Variants in UTP20 observed in about 807,000 individuals in gnomAD.
The protein encoded by UTP20 is UTP20 small subunit processome component, also known as small subunit processome component 20 homolog.
In UTP20, 164 loss-of-function variants were observed where a neutral mutation model predicts 329.5. That is an observed-to-expected ratio of 0.50 (90% CI 0.44 to 0.57). The LOEUF (loss-of-function observed/expected upper bound fraction) is 0.57, where lower values mean the gene tolerates loss of function less well. Ranked by LOEUF, UTP20 falls within the 20% of genes least tolerant of loss-of-function variation. The pLI is 0.00. For synonymous variants in UTP20, 1,151 were observed against 1,159.3 expected, an observed-to-expected ratio of 0.99 and a Z score of 0.14; for missense variants, 3,055 against 3,284.2, an observed-to-expected ratio of 0.93 and a Z score of 1.71.
At position 101,340,550 on chromosome 12, in the gene UTP20, A is replaced by G. The variant is rs1869088142; in HGVS notation, c.4041A>G (p.Glu1347=). ...TCAGCAAGTTTATGAAAGACAAAGA[A>G]CAAAGTTCTGTACTCATTACGCTTC... ...SKISKFMKDK[E]QSSVLITLLL... The change falls in exon 32 of 62, where the codon GAA becomes GAG. Residue 1347 remains glutamate, a synonymous_variant. Coordinates refer to ENST00000261637, the MANE Select transcript of UTP20 (RefSeq NM_014503.3). The G allele has an allele frequency of 1.9e-6, 3 of 1,610,034 alleles. No homozygotes were observed. Among genetic ancestry groups the G allele is most frequent in the Non-Finnish European group, 8.5e-7 (1 of 1,178,536 alleles).
intron 47 of UTP20, 124 bp from the exon 48 acceptor site, chr12:101,367,736 T>G: frequency 1.5e-6 from 1 of 672,678 alleles, no homozygotes; most frequent in Non-Finnish European, 2.6e-6. Context: ...CTTAAAAATG[T>G]TTTATCATTT....
chr12:101,292,494 G>A (rs1297837277), intron 10 of UTP20, among the ~76,000 whole-genome samples: 2 of 152,142 alleles, frequency 1.3e-5, no homozygotes, highest in East Asian at 1.9e-4. Context: ...ATAGTCTAGC[G>A]AATTTGTCTG....
At chr12:101,298,587 T>A (rs1480142070) in intron 12 of UTP20, among the ~76,000 whole-genome samples, 1 of 152,130 alleles carries the variant, frequency 6.6e-6, no homozygotes, top group Non-Finnish European at 1.5e-5. Flanking sequence ...TTAAGGAGTA[T>A]GGACTTCATT....
At chr12:101,374,195 A>G (rs1414235803) in intron 54 of UTP20, among the ~76,000 whole-genome samples, 37 of 151,268 alleles carry the variant, frequency 2.4e-4, no homozygotes, top group African/African-American at 7.3e-4. Context: ...AGGTCCCGCC[A>G]CTGCACTCCA....
At chr12:101,328,500 A>AG (rs1406308176) in intron 26 of UTP20, among the ~76,000 whole-genome samples, 1 of 151,858 alleles carries the variant, frequency 6.6e-6, no homozygotes, top group African/African-American at 2.4e-5. Flanking sequence ...TGTAATACAG[A>AG]AAGTTACTTC....
At chr12:101,301,668 A>T (rs1017445088) in intron 14 of UTP20, among the ~76,000 whole-genome samples, 1 of 152,252 alleles carries the variant, frequency 6.6e-6, no homozygotes, top group South Asian at 2.1e-4. Context: ...ATTCTGTCTC[A>T]AAATAAATAA....
At chr12:101,298,976 A>G (rs1275952581) in intron 12 of UTP20, among the ~76,000 whole-genome samples, 2 of 152,090 alleles carry the variant, frequency 1.3e-5, no homozygotes, top group Admixed American at 6.5e-5. Flanking sequence ...TCTATTGCAT[A>G]ACAAGCTAAC....
intron 48 of UTP20, among the ~76,000 whole-genome samples, chr12:101,368,735 T>C (rs1227444229): frequency 6.6e-6 from 1 of 152,208 alleles, no homozygotes; most frequent in Non-Finnish European, 1.5e-5. Context: ...TTACTATTTA[T>C]GTTTTATAAA....
At chr12:101,337,995 T>G in intron 29 of UTP20, 56 bp from the exon 30 acceptor site, 1 of 1,509,416 alleles carries the variant, frequency 6.6e-7, no homozygotes, top group Non-Finnish European at 9.1e-7. Context: ...ATGGACATGT[T>G]TTTAGAAGTG....
rs140971531 is a variant in UTP20, at chr12:101,344,703, C to A, written c.4558C>A (p.Arg1520Ser). 1 of 1,613,616 alleles carries A rather than the reference C, an allele frequency of 6.2e-7. No homozygotes were observed. The highest frequency in any genetic ancestry group is 8.5e-7 in the Non-Finnish European group (1 of 1,179,626). Reference sequence around the variant, plus strand: ...GAAAGACTATAGAGAAATCATCCACCGTTCACTCCTGGAGAAATTGAGAAA... The same window carrying A: ...GAAAGACTATAGAGAAATCATCCACAGTTCACTCCTGGAGAAATTGAGAAA... ...TEKDYREIIH[R>S]SLLEKLRKGL... Residue 1520 changes from arginine to serine, a missense_variant, in exon 36 of 62, where the codon CGT (arginine) becomes AGT (serine). Physicochemically the swap from Arg to Ser is moderately radical, Grantham distance 110. Transcript: ENST00000261637.
intron 1 of UTP20, 147 bp from the exon 2 acceptor site, chr12:101,280,969 T>G (rs1871777499): frequency 1.6e-6 from 1 of 616,374 alleles, no homozygotes; most frequent in Admixed American, 2.9e-5. Flanking sequence ...AGTGATGCAG[T>G]AAATTTGTTT....
chr12:101,326,378 C>T (rs1459392651), intron 25 of UTP20, among the ~76,000 whole-genome samples: 1 of 152,134 alleles, frequency 6.6e-6, no homozygotes, highest in East Asian at 1.9e-4. Flanking sequence ...TTCCCTCTTT[C>T]TCTCTGCTAT....
chr12:101,280,650 G>A (rs1871765919), intron 1 of UTP20, among the ~76,000 whole-genome samples: 2 of 152,202 alleles, frequency 1.3e-5, no homozygotes, highest in African/African-American at 2.4e-5. Flanking sequence ...CGAATTGGGC[G>A]AGTCGGCTGG....
At chr12:101,313,368 A>G (rs1470184746) in intron 21 of UTP20, among the ~76,000 whole-genome samples, 5 of 150,064 alleles carry the variant, frequency 3.3e-5, no homozygotes, top group Non-Finnish European at 7.4e-5. Flanking sequence ...GCAGGAGATG[A>G]AAGTGTGTAG....
chr12:101,332,829 AAG>A (rs1296478853), intron 27 of UTP20, among the ~76,000 whole-genome samples: 13 of 144,042 alleles, frequency 9.0e-5, no homozygotes, highest in African/African-American at 3.2e-4. Flanking sequence ...AGTCTTAAAA[AAG>A]TAAAATATTA....
chr12:101,305,962 A>T lies in UTP20; in HGVS notation c.1829A>T (p.Tyr610Phe). 1 of 1,613,748 alleles carries T rather than the reference A, an allele frequency of 6.2e-7. No homozygotes were observed. Among genetic ancestry groups the T allele is most frequent in the Non-Finnish European group, 8.5e-7 (1 of 1,179,846 alleles). The stretch of plus-strand genomic sequence containing the variant: ...GTGTTGCTGTTGACTGATCTCTATT[A>T]TCAGAGATTAGCCTTGTGTGGCTGC... ...PSVLLLTDLY[Y>F]QRLALCGCKG... The change falls in exon 16 of 62, where the codon TAT becomes TTT. Residue 610 changes from tyrosine (Y) to phenylalanine (F), a missense_variant. This residue lies in a region of UTP20 where 2,445 missense variants were observed against 2,575.5 expected (regional missense o/e 0.95). Transcript: ENST00000261637.
chr12:101,385,996 A>T lies in UTP20; in HGVS notation c.8231A>T (p.Lys2744Met), dbSNP rs1422369447. The part of the protein sequence containing the change: ...EFVTNPDIAA[K>M]KKMKKHKNKS... ...GTAACTAATCCTGATATTGCTGCCA[A>T]GAAAAAAATGAAGAAACACAAAAAT... The change falls in exon 62 of 62, where the codon AAG becomes ATG. Residue 2744 changes from lysine (K) to methionine (M), a missense_variant. Lys to Met is a moderately conservative substitution (Grantham distance 95). Transcript: ENST00000261637. 4 of 1,602,182 alleles carry T rather than the reference A, an allele frequency of 2.5e-6. No homozygotes were observed. Among genetic ancestry groups the T allele is most frequent in the Non-Finnish European group, 3.4e-6 (4 of 1,175,308 alleles).
Position 101,386,210 on chromosome 12 carries a change from G to A in UTP20, c.*87G>A. ...GTAGGTTGTCTGGGGTAGGGGGGAGGCGTTTTTTTTTTTTTTTGAGACAAG... is the reference window on the plus strand; with the variant it reads ...GTAGGTTGTCTGGGGTAGGGGGGAGACGTTTTTTTTTTTTTTTGAGACAAG... On this transcript the variant is annotated 3_prime_UTR_variant, in exon 62 of 62. Coordinates refer to ENST00000261637, the MANE Select transcript of UTP20 (RefSeq NM_014503.3). 1 of 1,326,994 alleles carries A rather than the reference G, an allele frequency of 7.5e-7. No homozygotes were observed. Among genetic ancestry groups the A allele is most frequent in the Non-Finnish European group, 1.0e-6 (1 of 967,634 alleles). The allele number at this position is 1,326,994 out of a possible 1,614,324, so 82.2% of individuals were successfully genotyped here.
intron 56 of UTP20, among the ~76,000 whole-genome samples, chr12:101,375,985 T>C (rs1344091246): frequency 6.6e-6 from 1 of 152,026 alleles, no homozygotes; most frequent in Non-Finnish European, 1.5e-5. Flanking sequence ...AAAGTCCTGT[T>C]TGGTACTTAA....
Sources: allele counts gnomAD v4.1 joint callset (sites outside exome capture counted in the v4.1 genomes callset), GRCh38; gene constraint gnomAD v4.1.1; regional missense constraint gnomAD v4.1.1; transcripts MANE v1.5; gene names NCBI Gene and HGNC (gene_info 2026-07-23, HGNC 2026-07-21).